The following TARBP1 variants were observed in gnomAD, a reference collection of about 807,000 sequenced individuals.
TARBP1 encodes the protein tRNA guanosine 2 -O-methyltransferase TARBP1, also known as tRNA (guanosine(18)-2'-O)-methyltransferase TARBP1.
TARBP1 carries 144 observed loss-of-function variants against 178.6 expected under a neutral mutation model. That is an observed-to-expected ratio of 0.81 (90% CI 0.70 to 0.93). The LOEUF is 0.93. Ranked by LOEUF, TARBP1 falls within the 40% of genes least tolerant of loss-of-function variation. The probability of loss-of-function intolerance (pLI) is 0.00; values close to 1 mark genes in which losing one functional copy is unlikely to be tolerated. For synonymous variants in TARBP1, 787 were observed against 781.0 expected (o/e 1.01, Z -0.13); for missense variants, 2,067 against 2,011.7 (o/e 1.03, Z -0.53).
At chr1:234,445,074 TC>T (rs1234892892) in intron 12 of TARBP1, among the ~76,000 whole-genome samples, 14 of 152,178 alleles carry the variant, frequency 9.2e-5, no homozygotes, top group African/African-American at 3.4e-4. Flanking sequence ...CCAAATTGCT[TC>T]CGTTGAGGTC....
intron 3 of TARBP1, among the ~76,000 whole-genome samples, chr1:234,469,340 G>A (rs1448092728): frequency 6.6e-6 from 1 of 152,036 alleles, no homozygotes; most frequent in South Asian, 2.1e-4. Flanking sequence ...CAAGATGCTT[G>A]TTCAACTCTT....
At chr1:234,399,600 G>A (rs1307967487) in intron 25 of TARBP1, among the ~76,000 whole-genome samples, 1 of 152,030 alleles carries the variant, frequency 6.6e-6, no homozygotes, top group Non-Finnish European at 1.5e-5. Context: ...GTTTATTGCG[G>A]CACTATTCAC....
At chr1:234,476,095 C>T (rs1262495765) in intron 1 of TARBP1, among the ~76,000 whole-genome samples, 9 of 152,164 alleles carry the variant, frequency 5.9e-5, no homozygotes, top group African/African-American at 2.4e-5. Flanking sequence ...GTCCAGGTAT[C>T]GAACTTGCAG....
chr1:234,432,169 C>T (rs111856865), intron 14 of TARBP1, among the ~76,000 whole-genome samples: 3,504 of 148,918 alleles, frequency 0.024, 54 homozygotes, highest in South Asian at 0.062. Flanking sequence ...AGGCCAGGCA[C>T]GGTGGCTCAC....
At chr1:234,448,992 G>A (rs1666462983) in intron 10 of TARBP1, among the ~76,000 whole-genome samples, 1 of 152,214 alleles carries the variant, frequency 6.6e-6, no homozygotes, top group South Asian at 2.1e-4. Flanking sequence ...AAGTTTCCCT[G>A]AAGAAATGAC....
intron 5 of TARBP1, among the ~76,000 whole-genome samples, chr1:234,465,178 C>T (rs1273826594): frequency 6.6e-6 from 1 of 152,018 alleles, no homozygotes; most frequent in Non-Finnish European, 1.5e-5. Context: ...GATGCGCACA[C>T]AGGGAGAGGC....
rs763097093 is a variant in TARBP1, at chr1:234,478,289, C to T, written c.815G>A (p.Gly272Glu). 6.4e-7 allele frequency: 1 copy of T among 1,560,178 alleles called. No homozygotes were observed. Among genetic ancestry groups the T allele is most frequent in the South Asian group, 1.2e-5 (1 of 86,762 alleles). ...CGTCAGGGCGTCCGCCTGGCCCAGC[C>T]CCGCCTGCACCGTCCTCCAGAAGCG... Reference protein sequence around the residue: ...CWRFWRTVQAGLGQADALTRK... With the variant: ...CWRFWRTVQAELGQADALTRK... Residue 272 changes from glycine to glutamate, a missense_variant, in exon 1 of 30, where the codon GGG (glycine) becomes GAG (glutamate). By Grantham distance (98) the Gly-to-Glu change is moderately conservative. Transcript: ENST00000040877.
intron 12 of TARBP1, 75 bp downstream of exon 12, chr1:234,446,727 CG>C: frequency 6.7e-6 from 8 of 1,197,338 alleles, no homozygotes; most frequent in Non-Finnish European, 8.8e-6. Flanking sequence ...TTTAAAAAGA[CG>C]GAAGTTTCCT....
At chr1:234,469,735 A>G (rs1284778192) in intron 3 of TARBP1, among the ~76,000 whole-genome samples, 1 of 152,272 alleles carries the variant, frequency 6.6e-6, no homozygotes, top group African/African-American at 2.4e-5. Context: ...TAGCTATTTC[A>G]TTAAACTTAA....
Position 234,419,580 on chromosome 1 carries a change from G to A in TARBP1, c.3555+1122C>T, listed in dbSNP as rs958748901. ...TTTCCTTTTTCTTGCAGGTGTGCCC[G>A]CTCGGACATTTCCCCACCCTCTCCA... On this transcript the variant is annotated intron_variant, in intron 21 of 29. Coordinates refer to ENST00000040877, the MANE Select transcript of TARBP1 (RefSeq NM_005646.4). 1.4e-4 allele frequency among the ~76,000 whole-genome samples: 21 copies of A among 152,008 alleles called. 1 individual carries two copies. The highest frequency in any genetic ancestry group is 6.5e-5 in the Admixed American group (1 of 15,272).
chr1:234,418,357 C>A, intron 21 of TARBP1, 124 bp from the exon 22 acceptor site: 1 of 757,982 alleles, frequency 1.3e-6, no homozygotes, highest in South Asian at 2.5e-5. Context: ...TACAACTCTC[C>A]GAGCAAAGAC....
intron 12 of TARBP1, among the ~76,000 whole-genome samples, chr1:234,442,670 T>G (rs1033663187): frequency 1.3e-5 from 2 of 152,214 alleles, no homozygotes; most frequent in Admixed American, 1.3e-4. Context: ...TATAGTCAAC[T>G]CCTTAAATAT....
In TARBP1 at chr1:234,446,797, C is replaced by A; in HGVS notation, c.2134+6G>T. 6.2e-7 allele frequency: 1 copy of A among 1,612,886 alleles called. No homozygotes were observed. The highest frequency in any genetic ancestry group is 8.5e-7 in the Non-Finnish European group (1 of 1,179,540). On this transcript the variant is annotated splice_donor_region_variant and intron_variant, in intron 12 of 29. Coordinates refer to ENST00000040877, the MANE Select transcript of TARBP1 (RefSeq NM_005646.4). ...CAAGATACCAAGAGAAACAACTTATCCTCACCATCTTGGGCACTGGAACCT... is the reference window on the plus strand; with the variant it reads ...CAAGATACCAAGAGAAACAACTTATACTCACCATCTTGGGCACTGGAACCT...
intron 26 of TARBP1, among the ~76,000 whole-genome samples, chr1:234,396,647 G>C (rs578193801): frequency 2.6e-5 from 4 of 152,028 alleles, no homozygotes; most frequent in African/African-American, 9.7e-5. Context: ...AGGATAGTAT[G>C]TCTTAAAACA....
At chr1:234,457,359 T>C (rs1327096764) in intron 9 of TARBP1, among the ~76,000 whole-genome samples, 2 of 152,200 alleles carry the variant, frequency 1.3e-5, no homozygotes, top group Non-Finnish European at 2.9e-5. Flanking sequence ...TCACTTACTG[T>C]GTTTGAGTCT....
At chr1:234,412,595 G>A (rs998360796) in intron 22 of TARBP1, among the ~76,000 whole-genome samples, 3 of 152,114 alleles carry the variant, frequency 2.0e-5, no homozygotes, top group African/African-American at 7.2e-5. Context: ...TTTGAGCCCA[G>A]TTGTTCAAAG....
intron 20 of TARBP1, among the ~76,000 whole-genome samples, chr1:234,423,728 C>A (rs1663373867): frequency 6.6e-6 from 1 of 151,558 alleles, no homozygotes; most frequent in East Asian, 1.9e-4. Flanking sequence ...ACCCTCCTGA[C>A]CCCTCTCTCT....
At chr1:234,470,548 A>G (rs1571877812) in intron 3 of TARBP1, among the ~76,000 whole-genome samples, 1 of 135,274 alleles carries the variant, frequency 7.4e-6, no homozygotes, top group East Asian at 1.9e-4. Flanking sequence ...GAAATTCTCC[A>G]TCATCAACGG....
At chr1:234,427,004 G>C (rs1370614254) in intron 19 of TARBP1, among the ~76,000 whole-genome samples, 2 of 152,184 alleles carry the variant, frequency 1.3e-5, no homozygotes, top group African/African-American at 4.8e-5. Flanking sequence ...TAAAGTGTCT[G>C]TGCTGATAAT....
Sources: allele counts gnomAD v4.1 joint callset (sites outside exome capture counted in the v4.1 genomes callset), GRCh38; gene constraint gnomAD v4.1.1; transcripts MANE v1.5; gene names NCBI Gene and HGNC (gene_info 2026-07-23, HGNC 2026-07-21).